RAB5B: variants seen among roughly 807,000 people sequenced by gnomAD.
The protein encoded by RAB5B is ras-related protein Rab-5B.
In RAB5B, 11 loss-of-function variants were observed where a neutral mutation model predicts 28.6. The observed-to-expected ratio is 0.38, with a 90% CI of 0.24 to 0.64. RAB5B has a LOEUF of 0.64. RAB5B is among the 30% of genes least tolerant of loss of function. The probability of loss-of-function intolerance (pLI) is 0.53; values close to 1 mark genes in which losing one functional copy is unlikely to be tolerated. For missense variants in RAB5B, 169 were observed against 265.6 expected (o/e 0.64, Z 2.53); for synonymous variants, 93 against 97.9 (o/e 0.95, Z 0.29).
chr12:55,981,344 G>A (rs1254206394), intron 1 of RAB5B, among the ~76,000 whole-genome samples: 2 of 152,086 alleles, frequency 1.3e-5, no homozygotes, highest in East Asian at 3.9e-4. Context: ...GATTACAGGT[G>A]TAAGCCACCA....
chr12:55,977,717 T>C (rs1457202114), intron 1 of RAB5B, among the ~76,000 whole-genome samples: 1 of 152,150 alleles, frequency 6.6e-6, no homozygotes, highest in Non-Finnish European at 1.5e-5. Flanking sequence ...AAACCCTACA[T>C]GGTATACTCC....
rs1890242750 is a variant in RAB5B at position 55,994,910 on chromosome 12, C to T, written c.*2698C>T. ...AGTTTAGAAAATAGCCCTTCTATTG[C>T]TATTTAATCACCCCTCTTCTAAGGC... is the stretch of plus-strand genomic sequence containing the variant. On this transcript the variant is annotated 3_prime_UTR_variant, in exon 6 of 6. Coordinates refer to ENST00000360299, the MANE Select transcript of RAB5B (RefSeq NM_002868.4). The T allele has an allele frequency of 6.6e-6, 1 of 151,866 alleles. No homozygotes were observed. The allele number at this position is 151,866 out of a possible 1,614,324, so 9.4% of individuals were successfully genotyped here. A position where few individuals can be genotyped will look rare whatever the true frequency, so the allele number is the denominator to read the frequency against.
chr12:55,982,003 T>A lies in RAB5B; in HGVS notation c.-92-4866T>A, dbSNP rs147589243. ...TTTTAATAGAGACGGGGTTTCACCATGTTCGCCAGACTGGTGTTGAATTCC... is the reference window on the plus strand; with the variant it reads ...TTTTAATAGAGACGGGGTTTCACCAAGTTCGCCAGACTGGTGTTGAATTCC... On this transcript the variant is annotated intron_variant, in intron 1 of 5. Transcript: ENST00000360299. Among the ~76,000 whole-genome samples, 884 of 152,108 alleles carry A rather than the reference T, an allele frequency of 5.8e-3. 6 individuals are homozygous for A. The highest frequency in any genetic ancestry group is 0.02 in the Middle Eastern group (6 of 294).
chr12:55,990,091 CT>C lies in RAB5B; in HGVS notation c.309del (p.Asn104IlefsTer12). The C allele has an allele frequency of 6.2e-7, 1 of 1,613,398 alleles. No homozygotes were observed. Among genetic ancestry groups the C allele is most frequent in the Non-Finnish European group, 8.5e-7 (1 of 1,179,612 alleles). ...AQAAIVVYDI[T>X]NQETFARAKT... ...GCTGCAATCGTGGTTTACGACATTA[CT>C]AATCAGGTAAGTGAGCTAAGAAGAC... On this transcript the variant is annotated frameshift_variant, in exon 3 of 6. Coordinates refer to ENST00000360299, the MANE Select transcript of RAB5B (RefSeq NM_002868.4). LOFTEE classifies it high-confidence loss of function.
At chr12:55,988,237 C>T (rs1048933953) in intron 2 of RAB5B, among the ~76,000 whole-genome samples, 2 of 152,052 alleles carry the variant, frequency 1.3e-5, no homozygotes, top group Admixed American at 6.6e-5. Flanking sequence ...GAAGCTGAGG[C>T]AGGAGACTCG....
At position 55,993,101 on chromosome 12, in the gene RAB5B, AT is replaced by A. The variant is rs1890185996; in HGVS notation, c.*892del. 6.4e-6 allele frequency: 1 copy of A among 155,042 alleles called. No homozygotes were observed. The highest frequency in any genetic ancestry group is 2.0e-4 in the South Asian group (1 of 4,992). The allele number at this position is 155,042 out of a possible 1,614,324, so 9.6% of individuals were successfully genotyped here. A position where few individuals can be genotyped will look rare whatever the true frequency, so the allele number is the denominator to read the frequency against. ...GACAGTTTCTGGTACCCATCCTCTG[AT>A]TTATACATATGCATTTTTTCCCCTC... On this transcript the variant is annotated 3_prime_UTR_variant, in exon 6 of 6. Coordinates refer to ENST00000360299, the MANE Select transcript of RAB5B (RefSeq NM_002868.4).
In RAB5B at chr12:55,992,854, A is replaced by G. The variant is rs532448771; in HGVS notation, c.*642A>G. 7.5e-6 allele frequency: 2 copies of G among 266,474 alleles called. No homozygotes were observed. Among genetic ancestry groups the G allele is most frequent in the African/African-American group, 2.4e-5 (1 of 42,200 alleles). The allele number at this position is 266,474 out of a possible 1,614,324, so 16.5% of individuals were successfully genotyped here. On this transcript the variant is annotated 3_prime_UTR_variant, in exon 6 of 6. Transcript: ENST00000360299. ...AGGTAGAGGTGAGAATGGGGAGGCA[A>G]GATCTCAGGCACCAGGCAGGAGGTG...
intron 1 of RAB5B, chr12:55,985,872 A>G (rs1889938293): frequency 3.0e-6 from 1 of 337,466 alleles, no homozygotes; most frequent in South Asian, 2.1e-5. Context: ...TCAGATTTGG[A>G]AAGATGGCAG....
chr12:55,990,146 A>G (rs973173270), intron 3 of RAB5B, 48 bp downstream of exon 3: 2 of 1,562,068 alleles, frequency 1.3e-6, no homozygotes, highest in Admixed American at 3.8e-5. Flanking sequence ...ATGGTGGCTT[A>G]CGCCTATAAT....
At chr12:55,987,464 G>A (rs915694870) in intron 2 of RAB5B, among the ~76,000 whole-genome samples, 2 of 151,758 alleles carry the variant, frequency 1.3e-5, no homozygotes, top group African/African-American at 2.4e-5. Flanking sequence ...ACGCCGGGCC[G>A]GTAAGGCTTT....
intron 5 of RAB5B, 88 bp downstream of exon 5, chr12:55,991,541 T>C: frequency 1.8e-6 from 2 of 1,104,954 alleles, no homozygotes; most frequent in South Asian, 1.3e-5. Flanking sequence ...GGTGCGAGTA[T>C]CTCCTTTTGC....
At chr12:55,980,858 A>G in intron 1 of RAB5B, 1 of 1,608,364 alleles carries the variant, frequency 6.2e-7, no homozygotes, top group African/African-American at 1.3e-5. Context: ...CCAGACTTGT[A>G]GTTTGATCTT....
At chr12:55,980,419 T>C in intron 1 of RAB5B, 1 of 1,571,182 alleles carries the variant, frequency 6.4e-7, no homozygotes, top group South Asian at 1.1e-5. Context: ...CAAGAAAGGG[T>C]CCTCAGCTCA....
chr12:55,987,605 G>A (rs891100832), intron 2 of RAB5B, among the ~76,000 whole-genome samples: 9 of 152,066 alleles, frequency 5.9e-5, no homozygotes, highest in East Asian at 1.9e-4. Context: ...CAAGATGGGC[G>A]GATCACCTGA....
rs780391487 is a variant in RAB5B at position 55,995,984 on chromosome 12, C to CATATAT, written c.*3787_*3792dup. ...CTCTCTCTCTCTCCATATATATATA[C>CATATAT]ATATATATATATATATATATTTTTT... On this transcript the variant is annotated 3_prime_UTR_variant, in exon 6 of 6. Coordinates refer to ENST00000360299, the MANE Select transcript of RAB5B (RefSeq NM_002868.4). 4.0e-5 allele frequency: 4 copies of CATATAT among 100,226 alleles called. No homozygotes were observed. The highest frequency in any genetic ancestry group is 1.4e-4 in the African/African-American group (3 of 22,054). 6.2% of individuals were successfully genotyped at this position (100,226 alleles called of 1,614,324 possible). A position where few individuals can be genotyped will look rare whatever the true frequency, so the allele number is the denominator to read the frequency against.
At chr12:55,985,434 A>C (rs983600379) in intron 1 of RAB5B, among the ~76,000 whole-genome samples, 1 of 152,226 alleles carries the variant, frequency 6.6e-6, no homozygotes, top group African/African-American at 2.4e-5. Flanking sequence ...ACTCTCAAGC[A>C]ATGCTTAGGT....
chr12:55,996,003 A>ATATATATATATATATATTTTT lies in RAB5B; in HGVS notation c.*3792_*3793insATATATATATATATATTTTTT. 2.1e-5 allele frequency: 2 copies of ATATATATATATATATATTTTT among 97,398 alleles called. No individual in the cohort carries two copies. The highest frequency in any genetic ancestry group is 4.0e-5 in the Non-Finnish European group (2 of 50,476). The allele number at this position is 97,398 out of a possible 1,614,324, so 6.0% of individuals were successfully genotyped here. On this transcript the variant is annotated 3_prime_UTR_variant, in exon 6 of 6. Transcript: ENST00000360299. ...TATATACATATATATATATATATAT[A>ATATATATATATATATATTTTT]TTTTTTTTTTAACAACTGGTAGGAT...
At position 55,994,598 on chromosome 12, in the gene RAB5B, A is replaced by T. The variant is rs1229850126; in HGVS notation, c.*2386A>T. On this transcript the variant is annotated 3_prime_UTR_variant, in exon 6 of 6. Coordinates refer to ENST00000360299, the MANE Select transcript of RAB5B (RefSeq NM_002868.4). ...GTTTTTTGTTTTTGTTTTGCTTCTG[A>T]GAAAGCATTTGCCTTTCTTCCTCTC... The T allele has an allele frequency of 6.6e-6, 1 of 151,990 alleles. No homozygotes were observed. Among genetic ancestry groups the T allele is most frequent in the East Asian group, 1.9e-4 (1 of 5,166 alleles). 9.4% of individuals were successfully genotyped at this position (151,990 alleles called of 1,614,324 possible). A position where few individuals can be genotyped will look rare whatever the true frequency, so the allele number is the denominator to read the frequency against.
intron 1 of RAB5B, among the ~76,000 whole-genome samples, chr12:55,983,587 T>C (rs17118200): frequency 0.077 from 11,627 of 151,932 alleles, 1,488 homozygotes; most frequent in African/African-American, 0.26. Flanking sequence ...TCTAGTCTAC[T>C]TTGGGACCTT....
Sources: allele counts gnomAD v4.1 joint callset (sites outside exome capture counted in the v4.1 genomes callset), GRCh38; gene constraint gnomAD v4.1.1; transcripts MANE v1.5; gene names NCBI Gene and HGNC (gene_info 2026-07-23, HGNC 2026-07-21).